The following NUTF2 variants were observed in gnomAD, a reference collection of about 807,000 sequenced individuals.
The protein encoded by NUTF2 is nuclear transport factor 2.
A neutral mutation model predicts 18.5 loss-of-function variants in NUTF2; 3 were observed. The ratio of observed to expected loss-of-function variants is 0.16; its 90% confidence interval spans 0.07 to 0.42. The LOEUF is 0.42. NUTF2 is among the 10% of genes least tolerant of loss of function. NUTF2 has a pLI of 0.99. For synonymous variants in NUTF2, 51 were observed against 57.9 expected (o/e 0.88, Z 0.54); for missense variants, 44 against 160.7 (o/e 0.27, Z 3.93).
At chr16:67,855,813 T>C (rs1033620673) in intron 1 of NUTF2, 8 of 345,928 alleles carry the variant, frequency 2.3e-5, no homozygotes, top group Middle Eastern at 8.5e-4. Context: ...ATTCTGAGGC[T>C]CCATGGAGCT....
At chr16:67,867,553 T>C (rs1049635446) in intron 2 of NUTF2, among the ~76,000 whole-genome samples, 4 of 152,058 alleles carry the variant, frequency 2.6e-5, no homozygotes, top group Non-Finnish European at 5.9e-5. Context: ...GGTCCCAGAC[T>C]AGGCCTTGGA....
intron 1 of NUTF2, 78 bp from the exon 2 acceptor site, chr16:67,865,024 G>A (rs1185190344): frequency 1.4e-6 from 1 of 697,728 alleles, no homozygotes; most frequent in Non-Finnish European, 2.5e-6. Context: ...AGGAAGGCCA[G>A]TGAGGGGTGG....
At chr16:67,863,970 A>G (rs1241993890) in intron 1 of NUTF2, among the ~76,000 whole-genome samples, 1 of 152,178 alleles carries the variant, frequency 6.6e-6, no homozygotes, top group Non-Finnish European at 1.5e-5. Flanking sequence ...TCCTTAGGGT[A>G]AAAGCAATGC....
chr16:67,869,938 T>TGAGTCCA (rs1355940221), intron 4 of NUTF2: 1 of 152,272 alleles, frequency 6.6e-6, no homozygotes, highest in Non-Finnish European at 1.5e-5. Context: ...CAGGGCTTCC[T>TGAGTCCA]GAGTCCAGAG....
chr16:67,868,282 C>A, intron 2 of NUTF2, 58 bp from the exon 3 acceptor site: 1 of 1,514,688 alleles, frequency 6.6e-7, no homozygotes, highest in East Asian at 2.3e-5. Flanking sequence ...CTTTCCAGGG[C>A]CTTAGAGATA....
At chr16:67,851,192 C>T (rs984743018) in intron 1 of NUTF2, among the ~76,000 whole-genome samples, 2 of 151,940 alleles carry the variant, frequency 1.3e-5, no homozygotes, top group Non-Finnish European at 1.5e-5. Flanking sequence ...TTAAGAGAGA[C>T]ACAGAATAGG....
At chr16:67,848,222 T>G (rs2057822507) in intron 1 of NUTF2, among the ~76,000 whole-genome samples, 1 of 152,246 alleles carries the variant, frequency 6.6e-6, no homozygotes, top group Admixed American at 6.5e-5. Context: ...GAGAAGACCT[T>G]GGGACTAGGG....
chr16:67,865,128 A>G lies in NUTF2; in HGVS notation c.-3A>G. On this transcript the variant is annotated 5_prime_UTR_variant, in exon 2 of 5. Transcript: ENST00000219169. ...TCTCCGTGAGGCCGGGTGACGCTCC[A>G]GAATGGGAGACAAGCCAATTTGGGA... 6.2e-7 allele frequency: 1 copy of G among 1,608,854 alleles called. No homozygotes were observed. Among genetic ancestry groups the G allele is most frequent in the Non-Finnish European group, 8.5e-7 (1 of 1,176,800 alleles).
rs991943850 is a variant in NUTF2, at chr16:67,871,750, C to G, written c.*837C>G. 1 of 152,298 alleles carries G rather than the reference C, an allele frequency of 6.6e-6. No homozygotes were observed. The highest frequency in any genetic ancestry group is 1.5e-5 in the Non-Finnish European group (1 of 68,096). The allele number at this position is 152,298 out of a possible 1,614,324, so 9.4% of individuals were successfully genotyped here. ...AGCAGTATCAAGGGAGGGGCCTGCT[C>G]TATCCCCAGAAGGATCAGGATCATA... On this transcript the variant is annotated 3_prime_UTR_variant, in exon 5 of 5. Transcript: ENST00000219169.
intron 1 of NUTF2, among the ~76,000 whole-genome samples, chr16:67,851,465 G>A (rs1019393616): frequency 2.0e-5 from 3 of 151,876 alleles, no homozygotes; most frequent in Non-Finnish European, 4.4e-5. Flanking sequence ...TGGTGACAGA[G>A]TGAGACCCTG....
chr16:67,857,937 C>T (rs1232063138), intron 1 of NUTF2, among the ~76,000 whole-genome samples: 5 of 152,208 alleles, frequency 3.3e-5, no homozygotes, highest in Non-Finnish European at 7.3e-5. Context: ...TACTCCTCCT[C>T]CAGAGAAGAA....
intron 1 of NUTF2, among the ~76,000 whole-genome samples, chr16:67,864,321 GC>G (rs1238524003): frequency 6.6e-6 from 1 of 152,102 alleles, no homozygotes; most frequent in African/African-American, 2.4e-5. Flanking sequence ...GACCAGCCTG[GC>G]CAACATGGTG....
intron 4 of NUTF2, chr16:67,870,570 C>T: frequency 1.8e-6 from 1 of 545,678 alleles, no homozygotes; most frequent in South Asian, 2.2e-5. Flanking sequence ...AGTTTAAGCA[C>T]ACATAGCACA....
At chr16:67,863,921 T>A (rs1214275272) in intron 1 of NUTF2, among the ~76,000 whole-genome samples, 1 of 152,176 alleles carries the variant, frequency 6.6e-6, no homozygotes, top group East Asian at 1.9e-4. Flanking sequence ...GGTCTCTAGT[T>A]GGGAGGGGGC....
intron 1 of NUTF2, among the ~76,000 whole-genome samples, chr16:67,853,371 T>A (rs1212954288): frequency 6.6e-6 from 1 of 152,130 alleles, no homozygotes; most frequent in Non-Finnish European, 1.5e-5. Context: ...ATTATTATTA[T>A]TTCTGAGACG....
At chr16:67,859,676 T>C (rs745627066) in intron 1 of NUTF2, among the ~76,000 whole-genome samples, 6 of 151,688 alleles carry the variant, frequency 4.0e-5, no homozygotes, top group African/African-American at 7.3e-5. Flanking sequence ...GTATTTTTAG[T>C]AGAGATGGGG....
chr16:67,854,990 A>G (rs541788615), intron 1 of NUTF2, among the ~76,000 whole-genome samples: 1 of 151,228 alleles, frequency 6.6e-6, no homozygotes, highest in East Asian at 1.9e-4. Flanking sequence ...GTTGAGCCGA[A>G]CCTTGTGCTG....
intron 1 of NUTF2, among the ~76,000 whole-genome samples, chr16:67,852,048 T>G (rs2057863554): frequency 6.6e-6 from 1 of 151,860 alleles, no homozygotes; most frequent in Non-Finnish European, 1.5e-5. Context: ...AGAAGCCACC[T>G]TATATCAAAA....
chr16:67,861,077 C>T (rs2057932220), intron 1 of NUTF2, among the ~76,000 whole-genome samples: 1 of 152,198 alleles, frequency 6.6e-6, no homozygotes, highest in Non-Finnish European at 1.5e-5. Context: ...GTAGTCTGTT[C>T]TTGTCTCCAG....
Sources: gnomAD v4.1 joint callset for allele counts (sites outside exome capture counted in the v4.1 genomes callset) on GRCh38, gnomAD v4.1.1 for gene constraint, MANE v1.5 for transcripts, NCBI Gene and HGNC (gene_info 2026-07-23, HGNC 2026-07-21) for gene names.